Variants in SCN7A observed in about 807,000 individuals in gnomAD.
SCN7A encodes sodium voltage-gated channel alpha subunit 7.
In SCN7A, 138 loss-of-function variants were observed where a neutral mutation model predicts 155.2. The ratio of observed to expected loss-of-function variants is 0.89; its 90% confidence interval spans 0.77 to 1.02. SCN7A has a LOEUF of 1.02. Ranked by LOEUF, SCN7A falls within the 50% of genes least tolerant of loss-of-function variation. The pLI, the probability that SCN7A is intolerant of heterozygous loss-of-function variation, is 0.00. For synonymous variants in SCN7A, 693 were observed against 649.0 expected (o/e 1.07, Z -1.03); for missense variants, 2,058 against 1,986.6 (o/e 1.04, Z -0.68).
intron 3 of SCN7A, among the ~76,000 whole-genome samples, chr2:166,475,121 C>CATATATACGT (rs1559125289): frequency 1.4e-4 from 14 of 102,182 alleles, no homozygotes; most frequent in South Asian, 2.9e-4. Flanking sequence ...TATATATATA[C>CATATATACGT]ATATATATAT....
chr2:166,477,326 T>C (rs1702820094), intron 3 of SCN7A, 137 bp downstream of exon 3: 4 of 667,112 alleles, frequency 6.0e-6, no homozygotes, highest in East Asian at 2.9e-5. Flanking sequence ...AGATATCTTA[T>C]GTCGTTCTGT....
At chr2:166,414,366 G>A in intron 21 of SCN7A, 1 of 121,110 alleles carries the variant, frequency 8.3e-6, no homozygotes, top group Non-Finnish European at 1.6e-5. Context: ...TTTAACAGAG[G>A]AAATACAGAT....
chr2:166,410,324 G>A lies in SCN7A; in HGVS notation c.3607C>T (p.Leu1203=). Residue 1203 remains leucine (L), a splice_region_variant and synonymous_variant, in exon 24 of 26, where the codon CTG becomes TTG. Coordinates refer to ENST00000643258, the MANE Select transcript of SCN7A (RefSeq NM_002976.4). ...IDNFNKHKIK[L]GGSNIFITVK... ...GTTATAAAGATATTTGAGCCTCCCA[G>A]GTAAAGAAAGGAAAGAAAAATATAT... The A allele has an allele frequency of 6.6e-7, 1 of 1,525,030 alleles. No individual in the cohort carries two copies. The highest frequency in any genetic ancestry group is 1.3e-5 in the South Asian group (1 of 78,634). The allele number at this position is 1,525,030 out of a possible 1,614,324, so 94.5% of individuals were successfully genotyped here. A position where few individuals can be genotyped will look rare whatever the true frequency, so the allele number is the denominator to read the frequency against.
intron 21 of SCN7A, among the ~76,000 whole-genome samples, chr2:166,415,915 A>G (rs534511368): frequency 2.1e-4 from 32 of 152,156 alleles, no homozygotes; most frequent in Non-Finnish European, 3.7e-4. Context: ...AAAGAGCCAT[A>G]TTTTTCTTCT....
intron 3 of SCN7A, among the ~76,000 whole-genome samples, chr2:166,476,246 C>G (rs1265678975): frequency 6.6e-6 from 1 of 151,628 alleles, no homozygotes; most frequent in Non-Finnish European, 1.5e-5. Flanking sequence ...AATCTTCCAC[C>G]ATGACAAGTA....
intron 21 of SCN7A, 132 bp downstream of exon 21, chr2:166,416,575 A>G (rs1176962686): frequency 1.4e-5 from 11 of 769,082 alleles, no homozygotes; most frequent in African/African-American, 1.2e-4. Context: ...TGTATGTCCC[A>G]TTACATTTAT....
chr2:166,435,257 G>GT (rs1701813364), intron 15 of SCN7A, among the ~76,000 whole-genome samples: 1 of 152,072 alleles, frequency 6.6e-6, no homozygotes, highest in South Asian at 2.1e-4. Context: ...GACAGGCTGT[G>GT]TAAGTGGCGC....
Position 166,465,921 on chromosome 2 carries a change from G to T in SCN7A, c.731C>A (p.Thr244Asn). 1 of 1,613,764 alleles carries T rather than the reference G, an allele frequency of 6.2e-7. No homozygotes were observed. The highest frequency in any genetic ancestry group is 1.3e-5 in the African/African-American group (1 of 75,034). ...AGAAAATATGCTCAGAAAAAACAGA[G>T]TTAGGATAATGACACCAATAAGCTG... ...LKQLIGVIIL[T>N]LFFLSIFSLI... is the part of the protein sequence containing the mutation. Residue 244 changes from threonine to asparagine, a missense_variant, in exon 8 of 26, where the codon ACT becomes AAT. By Grantham distance (65) the Thr-to-Asn change is moderately conservative. Coordinates refer to ENST00000643258, the MANE Select transcript of SCN7A (RefSeq NM_002976.4).
intron 21 of SCN7A, among the ~76,000 whole-genome samples, chr2:166,415,437 A>G (rs1167810619): frequency 1.3e-5 from 2 of 151,766 alleles, no homozygotes; most frequent in Admixed American, 6.6e-5. Context: ...GTTGGCTAGG[A>G]CGGTCTTGAT....
chr2:166,430,988 A>G (rs1252491842), intron 16 of SCN7A, among the ~76,000 whole-genome samples: 4 of 152,026 alleles, frequency 2.6e-5, no homozygotes, highest in Non-Finnish European at 5.9e-5. Flanking sequence ...GCAAGACCAA[A>G]TAACTATGCA....
intron 21 of SCN7A, chr2:166,414,462 G>GATATATATATATATAT (rs373659814): frequency 5.1e-5 from 6 of 118,164 alleles, no homozygotes; most frequent in African/African-American, 2.0e-4. Flanking sequence ...GAACTAATAG[G>GATATATATATATATAT]ATATATATAT....
Position 166,443,670 on chromosome 2 carries a change from T to C in SCN7A, c.1633A>G (p.Ile545Val), listed in dbSNP as rs769540827. Residue 545 changes from isoleucine to valine, a missense_variant, in exon 14 of 26, where the codon ATT becomes GTT. By Grantham distance (29) the Ile-to-Val change is conservative. Transcript: ENST00000643258. ...TLLNIGNLVF[I>V]GIFTAEMIFK... ...ATCATTTCTGCTGTGAAAATTCCAA[T>C]GAAAACCTAAATCAAAACCAAATAC... is the stretch of plus-strand genomic sequence containing the variant. 1.3e-4 allele frequency: 199 copies of C among 1,537,986 alleles called. 1 individual carries two copies. The Middle Eastern group carries it at 1.8e-3, about 14-fold the overall frequency.
At chr2:166,422,288 G>GA (rs1701527545) in intron 19 of SCN7A, among the ~76,000 whole-genome samples, 3 of 152,042 alleles carry the variant, frequency 2.0e-5, no homozygotes, top group African/African-American at 7.2e-5. Flanking sequence ...TTAAAGGAGG[G>GA]AAGAAAACCA....
At position 166,406,613 on chromosome 2, in the gene SCN7A, A is replaced by G. The variant is rs538899110; in HGVS notation, c.4016T>C (p.Leu1339Pro). ...LCLPMTVGSY[L>P]VPPSLVQLIL... ...CAGTTGCACAAGTGAAGGAGGCACA[A>G]GGTAGGATCCTACTGTCATAGGCAG... The change falls in exon 26 of 26, where the codon CTT becomes CCT. Residue 1339 changes from leucine to proline, a missense_variant. Leu to Pro is a moderately conservative substitution (Grantham distance 98). Coordinates refer to ENST00000643258, the MANE Select transcript of SCN7A (RefSeq NM_002976.4). 3.2e-5 allele frequency: 52 copies of G among 1,611,068 alleles called. 1 individual carries two copies. The South Asian group carries it at 5.7e-4, about 18-fold the overall frequency.
chr2:166,474,025 ATTG>A (rs1283388877), intron 4 of SCN7A, 137 bp from the exon 5 acceptor site: 6 of 524,548 alleles, frequency 1.1e-5, no homozygotes, highest in East Asian at 9.5e-5. Context: ...AATATTTACT[ATTG>A]TTGTGTATAT....
rs184925159 is a variant in SCN7A at position 166,479,689 on chromosome 2, A to G, written c.-14-1979T>C. 1.5e-3 allele frequency among the ~76,000 whole-genome samples: 227 copies of G among 152,300 alleles called. 4 individuals are homozygous for G. Among genetic ancestry groups the G allele is most frequent in the Admixed American group, 0.014 (208 of 15,298 alleles). ...ATACCTATGACATATGTCTCAAAAA[A>G]AAGGTAAACAGAAATATACTTTGAC... On this transcript the variant is annotated intron_variant, in intron 2 of 25. Transcript: ENST00000643258.
At chr2:166,441,986 A>G (rs1395638679) in intron 14 of SCN7A, among the ~76,000 whole-genome samples, 3 of 152,200 alleles carry the variant, frequency 2.0e-5, no homozygotes, top group Non-Finnish European at 4.4e-5. Flanking sequence ...GCCAATTCCC[A>G]TTAAGCATTA....
At chr2:166,420,319 T>C (rs1305197546) in intron 20 of SCN7A, among the ~76,000 whole-genome samples, 1 of 152,046 alleles carries the variant, frequency 6.6e-6, no homozygotes. Flanking sequence ...CTCACTGGAT[T>C]CTACCATAGC....
intron 2 of SCN7A, among the ~76,000 whole-genome samples, chr2:166,484,223 A>G (rs929299764): frequency 5.9e-5 from 9 of 151,950 alleles, no homozygotes; most frequent in Admixed American, 3.9e-4. Context: ...GCATCAGCTT[A>G]GAAATTAGGG....
Sources: allele counts gnomAD v4.1 joint callset (sites outside exome capture counted in the v4.1 genomes callset), GRCh38; gene constraint gnomAD v4.1.1; transcripts MANE v1.5; gene names NCBI Gene and HGNC (gene_info 2026-07-23, HGNC 2026-07-21).